LRBA: variants seen among roughly 807,000 people sequenced by gnomAD.
The protein encoded by LRBA is lipopolysaccharide-responsive and beige-like anchor protein.
Under a neutral mutation model 330.0 loss-of-function variants are expected in LRBA, and 176 were observed. That is an observed-to-expected ratio of 0.53 (90% confidence interval 0.47 to 0.60). LRBA has a LOEUF of 0.60. Ranked by LOEUF, LRBA falls within the 20% of genes least tolerant of loss-of-function variation. LRBA has a pLI of 0.00. For missense variants in LRBA, 3,259 were observed against 3,444.8 expected (o/e 0.95, Z 1.35); for synonymous variants, 1,230 against 1,193.0 (o/e 1.03, Z -0.64).
chr4:150,435,594 T>C lies in LRBA; in HGVS notation c.7036A>G (p.Ile2346Val), dbSNP rs199674409. 6 of 1,607,914 alleles carry C rather than the reference T, an allele frequency of 3.7e-6. No individual in the cohort carries two copies. The Admixed American group carries it at 6.9e-5, about 18-fold the overall frequency. Residue 2346 changes from isoleucine to valine, a missense_variant, in exon 46 of 57, where the codon ATT (isoleucine) becomes GTT (valine). By Grantham distance (29) the Ile-to-Val change is conservative. Coordinates refer to ENST00000651943, the MANE Select transcript of LRBA (RefSeq NM_001364905.1). ...AAAACAAAACATTTCTGTACCTTAA[T>C]ATCAGAGGTATCACGCTGACTGTTT... The part of the protein sequence containing the change: ...WRNSQRDTSD[I>V]KELIPEFYYL...
intron 35 of LRBA, among the ~76,000 whole-genome samples, chr4:150,738,302 G>C (rs1731491795): frequency 6.6e-6 from 1 of 152,130 alleles, no homozygotes; most frequent in South Asian, 2.1e-4. Flanking sequence ...AATTCTGACA[G>C]ACTTATGACT....
At chr4:150,943,158 G>A (rs1235575082) in intron 2 of LRBA, among the ~76,000 whole-genome samples, 1 of 152,094 alleles carries the variant, frequency 6.6e-6, no homozygotes, top group Non-Finnish European at 1.5e-5. Flanking sequence ...ATTAAACAAT[G>A]GTAAAGAGAT....
intron 47 of LRBA, among the ~76,000 whole-genome samples, chr4:150,410,223 GA>G (rs887286307): frequency 1.3e-5 from 2 of 151,692 alleles, no homozygotes; most frequent in African/African-American, 2.4e-5. Context: ...TCCATTCAGA[GA>G]AAAAAATTAT....
chr4:150,646,224 G>T (rs1779122651), intron 37 of LRBA, among the ~76,000 whole-genome samples: 1 of 151,970 alleles, frequency 6.6e-6, no homozygotes, highest in African/African-American at 2.4e-5. Context: ...ATATTGTGGG[G>T]TATATAAGAA....
At chr4:150,506,672 C>A (rs1172105685) in intron 40 of LRBA, among the ~76,000 whole-genome samples, 3 of 152,174 alleles carry the variant, frequency 2.0e-5, no homozygotes, top group Non-Finnish European at 4.4e-5. Context: ...TGGCACAAGA[C>A]AGGGATGCCC....
intron 37 of LRBA, among the ~76,000 whole-genome samples, chr4:150,639,334 C>T (rs1353773354): frequency 1.1e-5 from 1 of 92,044 alleles, no homozygotes; most frequent in Non-Finnish European, 2.1e-5. Flanking sequence ...ACAATGTGCA[C>T]ATGTACCCTA....
At chr4:150,926,104 A>G (rs1733854869) in intron 4 of LRBA, among the ~76,000 whole-genome samples, 1 of 152,220 alleles carries the variant, frequency 6.6e-6, no homozygotes, top group South Asian at 2.1e-4. Flanking sequence ...AGAGAAGAAT[A>G]CTAGGGAGGA....
chr4:150,320,681 C>T (rs1732376025), intron 50 of LRBA, among the ~76,000 whole-genome samples: 1 of 152,086 alleles, frequency 6.6e-6, no homozygotes, highest in Non-Finnish European at 1.5e-5. Context: ...GTGCTGCGTG[C>T]CTGTAGTCCT....
intron 22 of LRBA, among the ~76,000 whole-genome samples, chr4:150,858,651 C>T (rs1481127761): frequency 6.6e-6 from 1 of 152,038 alleles, no homozygotes; most frequent in Non-Finnish European, 1.5e-5. Context: ...TGCCTTAGTC[C>T]CCAGTAGCTG....
At position 150,776,189 on chromosome 4, in the gene LRBA, C is replaced by T. The variant is rs532600275; in HGVS notation, c.5581-14342G>A. Among the ~76,000 whole-genome samples, 11 of 152,148 alleles carry T rather than the reference C, an allele frequency of 7.2e-5. No individual in the cohort carries two copies. In the East Asian group the frequency reaches 1.5e-3, roughly 21 times the overall value. On this transcript the variant is annotated intron_variant, in intron 34 of 56. Coordinates refer to ENST00000651943, the MANE Select transcript of LRBA (RefSeq NM_001364905.1). ...ATTCATGGCTGGGTGCAGTGGTGCA[C>T]GCCTATAATCCTAGCCACTAGGGAG...
At chr4:150,988,268 T>A (rs1165485377) in intron 2 of LRBA, among the ~76,000 whole-genome samples, 1 of 152,200 alleles carries the variant, frequency 6.6e-6, no homozygotes, top group African/African-American at 2.4e-5. Context: ...ATCCCATTAT[T>A]GAGCATGGTA....
At chr4:150,740,242 C>T (rs1582203781) in intron 35 of LRBA, among the ~76,000 whole-genome samples, 1 of 151,296 alleles carries the variant, frequency 6.6e-6, no homozygotes, top group African/African-American at 2.4e-5. Context: ...AATAAAAACA[C>T]TAAAGAAGAA....
At chr4:150,856,400 C>A (rs1751237935) in intron 22 of LRBA, among the ~76,000 whole-genome samples, 1 of 152,112 alleles carries the variant, frequency 6.6e-6, no homozygotes, top group South Asian at 2.1e-4. Context: ...TATTTCATTT[C>A]TTCCTCTTTG....
At chr4:150,309,844 A>T (rs1337647772) in intron 52 of LRBA, among the ~76,000 whole-genome samples, 1 of 152,150 alleles carries the variant, frequency 6.6e-6, no homozygotes, top group Non-Finnish European at 1.5e-5. Context: ...TCTTTCAAGT[A>T]GGAAAAAGAA....
At chr4:150,877,993 G>C (rs1754242462) in intron 17 of LRBA, among the ~76,000 whole-genome samples, 1 of 152,060 alleles carries the variant, frequency 6.6e-6, no homozygotes, top group Admixed American at 6.6e-5. Flanking sequence ...TGAAAACAAA[G>C]CCACAACATA....
chr4:150,509,169 A>T (rs538057275), intron 40 of LRBA, among the ~76,000 whole-genome samples: 1 of 152,268 alleles, frequency 6.6e-6, no homozygotes, highest in South Asian at 2.1e-4. Context: ...ATTCCACAAA[A>T]TATACATATT....
chr4:150,886,329 T>A (rs1355650658), intron 17 of LRBA, among the ~76,000 whole-genome samples: 1 of 152,098 alleles, frequency 6.6e-6, no homozygotes, highest in African/African-American at 2.4e-5. Flanking sequence ...AGAAATTAGG[T>A]CCTAGATAGG....
chr4:150,589,072 C>CACAG (rs1222798355), intron 39 of LRBA, among the ~76,000 whole-genome samples: 57 of 148,842 alleles, frequency 3.8e-4, no homozygotes, highest in African/African-American at 1.3e-3. Flanking sequence ...CACACACACA[C>CACAG]AGAGAGAGAG....
At chr4:150,840,260 T>C (rs1748863908) in intron 28 of LRBA, among the ~76,000 whole-genome samples, 1 of 152,234 alleles carries the variant, frequency 6.6e-6, no homozygotes, top group South Asian at 2.1e-4. Flanking sequence ...TTAATTTCCT[T>C]TAAGAACTTT....
Sources: gnomAD v4.1 joint callset for allele counts (sites outside exome capture counted in the v4.1 genomes callset) on GRCh38, gnomAD v4.1.1 for gene constraint, MANE v1.5 for transcripts, NCBI Gene and HGNC (gene_info 2026-07-23, HGNC 2026-07-21) for gene names.